Variants in AUTS2 observed in about 807,000 individuals in gnomAD.
The protein encoded by AUTS2 is activator of transcription and developmental regulator AUTS2.
A neutral mutation model predicts 112.4 loss-of-function variants in AUTS2; 17 were observed. The ratio of observed to expected loss-of-function variants is 0.15; its 90% CI spans 0.10 to 0.23. The LOEUF is 0.23. Ranked by LOEUF, AUTS2 falls within the 10% of genes least tolerant of loss-of-function variation. AUTS2 has a pLI of 1.00. For synonymous variants in AUTS2, 751 were observed against 702.7 expected (o/e 1.07, Z -1.09); for missense variants, 1,510 against 1,701.6 (o/e 0.89, Z 1.98).
intron 1 of AUTS2, among the ~76,000 whole-genome samples, chr7:69,605,011 G>C (rs1237287992): frequency 6.6e-6 from 1 of 152,226 alleles, no homozygotes; most frequent in East Asian, 1.9e-4. Flanking sequence ...GCCATGTTCT[G>C]TCAGAATTAA....
intron 5 of AUTS2, among the ~76,000 whole-genome samples, chr7:70,530,326 T>TA (rs1800029769): frequency 6.6e-6 from 1 of 152,174 alleles, no homozygotes; most frequent in Non-Finnish European, 1.5e-5. Flanking sequence ...TTTAACGGCC[T>TA]CCTGGGAGTG....
At chr7:70,782,049 G>A in intron 15 of AUTS2, 1 of 355,546 alleles carries the variant, frequency 2.8e-6, no homozygotes, top group South Asian at 4.3e-5. Context: ...CATGTCAGTT[G>A]CTATTGAGAA....
chr7:70,337,562 T>A (rs1477979017), intron 4 of AUTS2, among the ~76,000 whole-genome samples: 1 of 152,242 alleles, frequency 6.6e-6, no homozygotes, highest in East Asian at 1.9e-4. Flanking sequence ...GCATCTGTGC[T>A]ATAGTTTTCT....
At chr7:70,204,037 A>G (rs1436123496) in intron 4 of AUTS2, among the ~76,000 whole-genome samples, 2 of 151,564 alleles carry the variant, frequency 1.3e-5, no homozygotes, top group East Asian at 3.9e-4. Flanking sequence ...ATGTCCACAC[A>G]CATATACACA....
At chr7:69,970,377 T>C (rs753578588) in intron 2 of AUTS2, among the ~76,000 whole-genome samples, 1 of 152,236 alleles carries the variant, frequency 6.6e-6, no homozygotes, top group African/African-American at 2.4e-5. Flanking sequence ...TAGGTAGATA[T>C]CTGTCCTGAA....
At chr7:70,051,063 G>A (rs948055139) in intron 2 of AUTS2, among the ~76,000 whole-genome samples, 3 of 152,208 alleles carry the variant, frequency 2.0e-5, no homozygotes, top group Non-Finnish European at 4.4e-5. Flanking sequence ...CTGCCAAGGG[G>A]ATGAGCAAAT....
At chr7:70,006,152 C>T (rs988522648) in intron 2 of AUTS2, among the ~76,000 whole-genome samples, 15 of 152,100 alleles carry the variant, frequency 9.9e-5, no homozygotes, top group Non-Finnish European at 2.1e-4. Context: ...CTCCTTAGTT[C>T]TACTCAAAGT....
chr7:70,173,424 G>T lies in AUTS2; in HGVS notation c.660+38853G>T, dbSNP rs187365099. 1.9e-3 allele frequency among the ~76,000 whole-genome samples: 285 copies of T among 151,992 alleles called. 2 individuals are homozygous for T. The highest frequency in any genetic ancestry group is 6.5e-3 in the African/African-American group (271 of 41,476). On this transcript the variant is annotated intron_variant, in intron 4 of 18. Transcript: ENST00000342771. ...CGGAAGGCATTCTATCTCAGTCTCT[G>T]CAATGAGCCATTCGCATTTTGTGGA...
At chr7:70,776,990 T>G (rs1247922559) in intron 13 of AUTS2, 113 bp from the exon 14 acceptor site, 1 of 948,168 alleles carries the variant, frequency 1.1e-6, no homozygotes, top group African/African-American at 1.6e-5. Flanking sequence ...AAAGCACTCT[T>G]GTTTCACGAA....
At chr7:69,810,539 A>C (rs752719073) in intron 1 of AUTS2, among the ~76,000 whole-genome samples, 2 of 151,580 alleles carry the variant, frequency 1.3e-5, no homozygotes, top group Non-Finnish European at 2.9e-5. Flanking sequence ...GGAACTTCTC[A>C]GTGTGACATT....
intron 1 of AUTS2, among the ~76,000 whole-genome samples, chr7:69,686,029 A>G (rs967113815): frequency 2.0e-5 from 3 of 152,202 alleles, no homozygotes; most frequent in African/African-American, 4.8e-5. Flanking sequence ...TTAGGAGGCT[A>G]CTGTCAGGAA....
intron 5 of AUTS2, among the ~76,000 whole-genome samples, chr7:70,462,523 A>T (rs1029262845): frequency 3.9e-5 from 6 of 152,096 alleles, no homozygotes; most frequent in Admixed American, 6.5e-5. Flanking sequence ...CAAGTAAATA[A>T]TTTCTAAGGG....
intron 1 of AUTS2, among the ~76,000 whole-genome samples, chr7:69,746,883 G>A (rs1308663779): frequency 6.6e-6 from 1 of 152,158 alleles, no homozygotes; most frequent in Non-Finnish European, 1.5e-5. Context: ...ATGGGCATGG[G>A]ACACCATCAT....
chr7:69,937,287 G>T (rs1298269522), intron 2 of AUTS2, among the ~76,000 whole-genome samples: 1 of 152,210 alleles, frequency 6.6e-6, no homozygotes, highest in East Asian at 1.9e-4. Flanking sequence ...AAGAGATTAA[G>T]AAGTAGATTT....
chr7:70,078,590 G>C (rs1237869504), intron 2 of AUTS2, among the ~76,000 whole-genome samples: 1 of 152,048 alleles, frequency 6.6e-6, no homozygotes, highest in East Asian at 1.9e-4. Context: ...CATTTTCTGT[G>C]CCACTTTCTT....
At chr7:69,801,247 G>T (rs907141080) in intron 1 of AUTS2, among the ~76,000 whole-genome samples, 5 of 149,814 alleles carry the variant, frequency 3.3e-5, no homozygotes, top group African/African-American at 9.9e-5. Context: ...TTCAGCATTG[G>T]TAATTAACAT....
chr7:70,648,806 G>A (rs542474533), intron 5 of AUTS2, among the ~76,000 whole-genome samples: 22 of 152,092 alleles, frequency 1.4e-4, no homozygotes, highest in Admixed American at 3.3e-4. Flanking sequence ...AGCTGGTCTC[G>A]AACTCCTTAC....
At chr7:69,874,913 G>A (rs916372826) in intron 1 of AUTS2, among the ~76,000 whole-genome samples, 2 of 151,224 alleles carry the variant, frequency 1.3e-5, no homozygotes, top group Non-Finnish European at 2.9e-5. Context: ...TCAGGTGTGA[G>A]CCATTACGTC....
Position 70,666,386 on chromosome 7 carries a change from G to T in AUTS2, c.691-32183G>T, listed in dbSNP as rs532538840. The stretch of plus-strand genomic sequence containing the variant: ...CAAGCAATGAGGAATTCAAGGTGGT[G>T]TCCTGGAGTAGAAGAGAAATCGGTT... On this transcript the variant is annotated intron_variant, in intron 5 of 18. Transcript: ENST00000342771. Among the ~76,000 whole-genome samples the T allele has an allele frequency of 2.0e-5, 3 of 152,344 alleles. No individual in the cohort carries two copies. The Middle Eastern group carries it at 0.01, about 518-fold the overall frequency.
Sources: gnomAD v4.1 joint callset for allele counts (sites outside exome capture counted in the v4.1 genomes callset) on GRCh38, gnomAD v4.1.1 for gene constraint, MANE v1.5 for transcripts, NCBI Gene and HGNC (gene_info 2026-07-23, HGNC 2026-07-21) for gene names.